The following CSMD1 variants were observed in gnomAD, a reference collection of about 807,000 sequenced individuals.
CSMD1 encodes the protein CUB and Sushi multiple domains 1.
CSMD1 carries 213 observed loss-of-function variants against 417.5 expected under a neutral mutation model. That is an observed-to-expected ratio of 0.51 (90% CI 0.46 to 0.57). The LOEUF (loss-of-function observed/expected upper bound fraction) is 0.57, where lower values mean the gene tolerates loss of function less well. Among genes scored for constraint, CSMD1 ranks in the 20% least tolerant of loss-of-function variants. The pLI, the probability that CSMD1 is intolerant of heterozygous loss-of-function variation, is 0.00. For synonymous variants in CSMD1, 2,862 were observed against 1,736.8 expected (o/e 1.65, Z -16.11); for missense variants, 6,923 against 4,529.7 (o/e 1.53, Z -15.17).
intron 3 of CSMD1, among the ~76,000 whole-genome samples, chr8:4,337,950 A>G (rs970918600): frequency 1.3e-5 from 2 of 152,166 alleles, no homozygotes; most frequent in African/African-American, 4.8e-5. Flanking sequence ...CGCATTTCTC[A>G]ACCTTTTTAA....
intron 26 of CSMD1, among the ~76,000 whole-genome samples, chr8:3,249,345 C>A (rs1459983416): frequency 6.6e-6 from 1 of 152,102 alleles, no homozygotes; most frequent in Non-Finnish European, 1.5e-5. Context: ...GCCTCAGCCA[C>A]CCGAGGAGCT....
chr8:3,648,208 C>G lies in CSMD1; in HGVS notation c.1010-31411G>C, dbSNP rs765556346. On this transcript the variant is annotated intron_variant, in intron 7 of 69. Coordinates refer to ENST00000635120, the MANE Select transcript of CSMD1 (RefSeq NM_033225.6). ...ACATATGTGTATATTACTCTTCTCA[C>G]CATATACTAGAGACATGATTTTACT... Among the ~76,000 whole-genome samples, 17 of 152,230 alleles carry G rather than the reference C, an allele frequency of 1.1e-4. 1 individual carries two copies. Among genetic ancestry groups the G allele is most frequent in the Non-Finnish European group, 2.5e-4 (17 of 68,040 alleles).
chr8:4,274,607 A>G (rs1363987573), intron 3 of CSMD1, among the ~76,000 whole-genome samples: 1 of 152,184 alleles, frequency 6.6e-6, no homozygotes, highest in Non-Finnish European at 1.5e-5. Context: ...AGATTAATCT[A>G]TGAAATTTCT....
chr8:4,401,613 C>G (rs934609070), intron 3 of CSMD1, among the ~76,000 whole-genome samples: 1 of 152,076 alleles, frequency 6.6e-6, no homozygotes, highest in Non-Finnish European at 1.5e-5. Context: ...ACCTCGGTCA[C>G]CACAAGAATC....
At chr8:3,961,987 A>G (rs1271498381) in intron 5 of CSMD1, among the ~76,000 whole-genome samples, 1 of 152,182 alleles carries the variant, frequency 6.6e-6, no homozygotes, top group Non-Finnish European at 1.5e-5. Context: ...AAAACATCAC[A>G]AAGTTGCACA....
intron 18 of CSMD1, among the ~76,000 whole-genome samples, chr8:3,370,017 G>A (rs1809847547): frequency 1.3e-5 from 2 of 152,156 alleles, no homozygotes; most frequent in African/African-American, 4.8e-5. Flanking sequence ...GATTGCCATT[G>A]TAGAACACAA....
chr8:4,622,528 T>A (rs1052342200), intron 2 of CSMD1, among the ~76,000 whole-genome samples: 1 of 152,160 alleles, frequency 6.6e-6, no homozygotes, highest in African/African-American at 2.4e-5. Flanking sequence ...GCTGTGTCCA[T>A]GCAGCACCCT....
intron 6 of CSMD1, among the ~76,000 whole-genome samples, chr8:3,749,415 C>G (rs1256006230): frequency 6.6e-6 from 1 of 152,074 alleles, no homozygotes; most frequent in Non-Finnish European, 1.5e-5. Context: ...ACTTGTCAAG[C>G]AACCTTACTA....
intron 54 of CSMD1, among the ~76,000 whole-genome samples, chr8:2,979,468 G>A (rs528826978): frequency 3.9e-5 from 6 of 152,334 alleles, no homozygotes; most frequent in South Asian, 2.1e-4. Context: ...GGGAATTAGC[G>A]ATGTGCTTTT....
chr8:4,141,648 TA>T (rs1308599667), intron 3 of CSMD1, among the ~76,000 whole-genome samples: 3 of 150,668 alleles, frequency 2.0e-5, no homozygotes, highest in African/African-American at 7.5e-5. Context: ...ACAAGTTTTT[TA>T]AATCTCCAGA....
chr8:4,789,587 G>C (rs1481438404), intron 1 of CSMD1, among the ~76,000 whole-genome samples: 2 of 152,068 alleles, frequency 1.3e-5, no homozygotes, highest in African/African-American at 4.8e-5. Flanking sequence ...CCTAGGTTTG[G>C]GAATAAACTG....
At chr8:4,932,441 C>T (rs1249609302) in intron 1 of CSMD1, among the ~76,000 whole-genome samples, 1 of 152,082 alleles carries the variant, frequency 6.6e-6, no homozygotes, top group Non-Finnish European at 1.5e-5. Context: ...CAAAATCTTT[C>T]TGCCAGTTTG....
chr8:3,998,502 T>C lies in CSMD1; in HGVS notation c.611-392A>G, dbSNP rs531868981. Among the ~76,000 whole-genome samples, 12 of 152,334 alleles carry C rather than the reference T, an allele frequency of 7.9e-5. No individual in the cohort carries two copies. In the East Asian group the frequency reaches 1.5e-3, roughly 20 times the overall value. On this transcript the variant is annotated intron_variant, in intron 4 of 69. Transcript: ENST00000635120. ...AAACATGTGGGCGTTTATTCATGGATACCTGGCTTTGAGAATACTGTGCTC... is the reference window on the plus strand; with the variant it reads ...AAACATGTGGGCGTTTATTCATGGACACCTGGCTTTGAGAATACTGTGCTC...
At chr8:3,439,298 TATATA>T (rs1436453024) in intron 12 of CSMD1, among the ~76,000 whole-genome samples, 3,573 of 59,740 alleles carry the variant, frequency 0.06, 163 homozygotes, top group Non-Finnish European at 0.073. Context: ...TATATATATA[TATATA>T]TATATATTTT....
chr8:3,616,580 A>G (rs1802149720), intron 8 of CSMD1, 130 bp downstream of exon 8: 2 of 647,174 alleles, frequency 3.1e-6, no homozygotes, highest in Non-Finnish European at 5.4e-6. Flanking sequence ...GATTACACAC[A>G]TTTAGAGTTA....
At chr8:4,027,246 G>C (rs1338707723) in intron 4 of CSMD1, among the ~76,000 whole-genome samples, 2 of 152,158 alleles carry the variant, frequency 1.3e-5, no homozygotes, top group African/African-American at 2.4e-5. Flanking sequence ...AAAGTAGTTT[G>C]GCTGATAAAA....
chr8:4,732,587 G>C (rs1809974777), intron 1 of CSMD1, among the ~76,000 whole-genome samples: 1 of 152,110 alleles, frequency 6.6e-6, no homozygotes, highest in South Asian at 2.1e-4. Flanking sequence ...GAGAAGCACT[G>C]CTTTCATGAC....
chr8:4,540,837 G>A (rs1394920467), intron 2 of CSMD1, among the ~76,000 whole-genome samples: 1 of 151,988 alleles, frequency 6.6e-6, no homozygotes, highest in Non-Finnish European at 1.5e-5. Flanking sequence ...GGCAAAAAAA[G>A]GTAAAGGCTC....
intron 1 of CSMD1, among the ~76,000 whole-genome samples, chr8:4,664,746 A>C (rs1376467243): frequency 1.3e-5 from 2 of 152,058 alleles, no homozygotes; most frequent in African/African-American, 4.8e-5. Context: ...TGCTAATCTT[A>C]TAGAGACAAT....
Sources: gnomAD v4.1 joint callset for allele counts (sites outside exome capture counted in the v4.1 genomes callset) on GRCh38, gnomAD v4.1.1 for gene constraint, MANE v1.5 for transcripts, NCBI Gene and HGNC (gene_info 2026-07-23, HGNC 2026-07-21) for gene names.